The following CNTN1 variants were observed in gnomAD, a reference collection of about 807,000 sequenced individuals.
CNTN1 encodes the protein contactin-1.
Under a neutral mutation model 126.4 loss-of-function variants are expected in CNTN1, and 38 were observed. That is an observed-to-expected ratio of 0.30 (90% CI 0.23 to 0.39). The LOEUF is 0.39. Ranked by LOEUF, CNTN1 falls within the 10% of genes least tolerant of loss-of-function variation. The probability of loss-of-function intolerance (pLI) is 1.00; values close to 1 mark genes in which losing one functional copy is unlikely to be tolerated. For synonymous variants in CNTN1, 413 were observed against 422.6 expected (o/e 0.98, Z 0.28); for missense variants, 1,009 against 1,248.4 (o/e 0.81, Z 2.89).
At chr12:41,013,053 G>T (rs1448289901) in intron 17 of CNTN1, among the ~76,000 whole-genome samples, 1 of 152,124 alleles carries the variant, frequency 6.6e-6, no homozygotes, top group East Asian at 1.9e-4. Context: ...GAAAAGACTG[G>T]CTGGCGTTGA....
intron 1 of CNTN1, among the ~76,000 whole-genome samples, chr12:40,784,013 C>T (rs1823999496): frequency 6.6e-6 from 1 of 151,964 alleles, no homozygotes. Flanking sequence ...TTCAAGATTC[C>T]CACAGTGTAG....
chr12:41,020,995 T>A (rs1056311995), intron 20 of CNTN1, among the ~76,000 whole-genome samples: 2 of 152,300 alleles, frequency 1.3e-5, no homozygotes, highest in Non-Finnish European at 2.9e-5. Flanking sequence ...CTTGTCTTAG[T>A]CAAGGGAGTA....
chr12:40,933,967 A>G, intron 9 of CNTN1, 89 bp downstream of exon 9: 1 of 995,200 alleles, frequency 1.0e-6, no homozygotes. Context: ...TATAATGATT[A>G]ATGGTTTTAA....
At chr12:40,749,933 A>C (rs1298563410) in intron 1 of CNTN1, among the ~76,000 whole-genome samples, 2 of 152,058 alleles carry the variant, frequency 1.3e-5, no homozygotes, top group African/African-American at 4.8e-5. Context: ...ACTCTCAAGA[A>C]GGAAGGAGTG....
intron 19 of CNTN1, 120 bp downstream of exon 19, chr12:41,017,036 T>G (rs1948797150): frequency 1.3e-6 from 1 of 771,218 alleles, no homozygotes; most frequent in East Asian, 2.7e-5. Flanking sequence ...CATTATGCAT[T>G]TAGTAAATGA....
At chr12:40,795,233 C>G (rs1179708600) in intron 1 of CNTN1, among the ~76,000 whole-genome samples, 1 of 151,278 alleles carries the variant, frequency 6.6e-6, no homozygotes, top group Non-Finnish European at 1.5e-5. Flanking sequence ...TCCTCTGAAC[C>G]AATTCCTTAA....
chr12:40,934,180 T>C (rs535522632), intron 9 of CNTN1, among the ~76,000 whole-genome samples: 65 of 152,142 alleles, frequency 4.3e-4, no homozygotes, highest in African/African-American at 1.5e-3. Context: ...ACTGTCTTTT[T>C]TCAGTATCTT....
intron 1 of CNTN1, among the ~76,000 whole-genome samples, chr12:40,820,686 C>T (rs972384518): frequency 2.0e-5 from 3 of 152,198 alleles, no homozygotes; most frequent in Admixed American, 1.3e-4. Flanking sequence ...GTGGCAATGG[C>T]TCTTGGTGAC....
intron 1 of CNTN1, among the ~76,000 whole-genome samples, chr12:40,755,301 A>G (rs944194892): frequency 1.3e-5 from 2 of 149,980 alleles, no homozygotes; most frequent in African/African-American, 4.9e-5. Context: ...ATACTTTTTC[A>G]TTTTCTTATT....
chr12:40,837,034 G>A (rs1236880530), intron 1 of CNTN1, among the ~76,000 whole-genome samples: 3 of 151,920 alleles, frequency 2.0e-5, no homozygotes, highest in Admixed American at 6.6e-5. Flanking sequence ...GTGATATTTC[G>A]GAACCCCTAT....
At chr12:40,718,380 C>T (rs1185190149) in intron 1 of CNTN1, among the ~76,000 whole-genome samples, 2 of 151,862 alleles carry the variant, frequency 1.3e-5, no homozygotes, top group Non-Finnish European at 2.9e-5. Flanking sequence ...GGGGTTTCGC[C>T]GTGTTGGCCA....
In CNTN1 at chr12:40,815,800, T is replaced by C. The variant is rs190803510; in HGVS notation, c.-76-92557T>C. ...TGTCTGTAGGTTTGTCATAAATAGC[T>C]CTAATTATTTTGAGATATGTTCCAT... On this transcript the variant is annotated intron_variant, in intron 1 of 23. Coordinates refer to ENST00000551295, the MANE Select transcript of CNTN1 (RefSeq NM_001843.4). 2.2e-3 allele frequency among the ~76,000 whole-genome samples: 328 copies of C among 152,328 alleles called. 1 individual carries two copies. Among genetic ancestry groups the C allele is most frequent in the African/African-American group, 7.6e-3 (315 of 41,580 alleles).
intron 1 of CNTN1, among the ~76,000 whole-genome samples, chr12:40,719,196 G>A (rs927712708): frequency 2.0e-5 from 3 of 152,124 alleles, no homozygotes; most frequent in Admixed American, 6.5e-5. Flanking sequence ...AGTCATCAAA[G>A]GAAATAATGC....
chr12:40,904,682 G>A (rs75254598), intron 1 of CNTN1, among the ~76,000 whole-genome samples: 14,538 of 152,060 alleles, frequency 0.096, 820 homozygotes, highest in Non-Finnish European at 0.12. Flanking sequence ...CACCCACCTC[G>A]GCCTCCCAAA....
intron 1 of CNTN1, among the ~76,000 whole-genome samples, chr12:40,824,764 C>G (rs1592128405): frequency 6.6e-6 from 1 of 152,060 alleles, no homozygotes; most frequent in Middle Eastern, 3.4e-3. Context: ...CATTATAAAC[C>G]CCTGTGTCTT....
intron 1 of CNTN1, among the ~76,000 whole-genome samples, chr12:40,878,013 T>A (rs1431354102): frequency 1.0e-5 from 1 of 97,716 alleles, no homozygotes; most frequent in Non-Finnish European, 2.3e-5. Flanking sequence ...TTTTTTTTTT[T>A]TGAGATAGAG....
At chr12:40,872,603 G>T (rs1208396734) in intron 1 of CNTN1, among the ~76,000 whole-genome samples, 1 of 113,710 alleles carries the variant, frequency 8.8e-6, no homozygotes, top group Non-Finnish European at 1.7e-5. Context: ...GATGGAGTCT[G>T]GCTGTCACCC....
At chr12:40,764,361 A>G (rs982683780) in intron 1 of CNTN1, among the ~76,000 whole-genome samples, 1 of 152,194 alleles carries the variant, frequency 6.6e-6, no homozygotes, top group Non-Finnish European at 1.5e-5. Context: ...GCTGAGATGA[A>G]CTAATGCTGA....
At chr12:40,949,721 C>G (rs1018799508) in intron 14 of CNTN1, among the ~76,000 whole-genome samples, 2 of 151,026 alleles carry the variant, frequency 1.3e-5, no homozygotes, top group Admixed American at 6.6e-5. Flanking sequence ...ATTGCAGGTG[C>G]CTGCCACCAC....
Sources: gnomAD v4.1 joint callset for allele counts (sites outside exome capture counted in the v4.1 genomes callset) on GRCh38, gnomAD v4.1.1 for gene constraint, MANE v1.5 for transcripts, NCBI Gene and HGNC (gene_info 2026-07-23, HGNC 2026-07-21) for gene names.